CSMD3: variants seen among roughly 807,000 people sequenced by gnomAD.
The protein encoded by CSMD3 is CUB and Sushi multiple domains 3.
In CSMD3, 177 loss-of-function variants were observed where a neutral mutation model predicts 435.2. The observed-to-expected ratio is 0.41, with a 90% CI of 0.36 to 0.46. The LOEUF (loss-of-function observed/expected upper bound fraction) is 0.46. Ranked by LOEUF, CSMD3 falls within the 20% of genes least tolerant of loss-of-function variation. The pLI is 0.34. For missense variants in CSMD3, 4,265 were observed against 4,504.6 expected (o/e 0.95, Z 1.52); for synonymous variants, 1,656 against 1,520.5 (o/e 1.09, Z -2.07).
intron 1 of CSMD3, among the ~76,000 whole-genome samples, chr8:113,334,043 T>C (rs2094049065): frequency 6.6e-6 from 1 of 151,868 alleles, no homozygotes; most frequent in Non-Finnish European, 1.5e-5. Flanking sequence ...GTGTAAATGA[T>C]AATTTAGATG....
intron 5 of CSMD3, among the ~76,000 whole-genome samples, chr8:113,073,158 G>A (rs1340196708): frequency 1.3e-5 from 2 of 151,754 alleles, no homozygotes; most frequent in Non-Finnish European, 3.0e-5. Context: ...AATACTCTTT[G>A]AGATACTATT....
chr8:112,992,833 G>T (rs1014647406), intron 6 of CSMD3, among the ~76,000 whole-genome samples: 3 of 151,560 alleles, frequency 2.0e-5, no homozygotes, highest in Non-Finnish European at 4.4e-5. Flanking sequence ...GTGTGTGTGT[G>T]TTTTTGTGTA....
intron 32 of CSMD3, among the ~76,000 whole-genome samples, chr8:112,460,024 G>T (rs1392119748): frequency 6.6e-6 from 1 of 152,086 alleles, no homozygotes; most frequent in African/African-American, 2.4e-5. Flanking sequence ...TCAGCCACCA[G>T]CCTGCCTTAG....
At chr8:112,855,212 C>T (rs2129787590) in intron 11 of CSMD3, among the ~76,000 whole-genome samples, 1 of 152,182 alleles carries the variant, frequency 6.6e-6, no homozygotes, top group Admixed American at 6.5e-5. Flanking sequence ...TTTGTATCGG[C>T]TAGACCAATA....
At position 113,432,992 on chromosome 8, in the gene CSMD3, T is replaced by C. The variant is rs114440918; in HGVS notation, c.178+3685A>G. ...TCAGCCACCCAGTTTCAACTTCGGG[T>C]TGTCCATGAAAATTCAGGGAGGCTG... On this transcript the variant is annotated intron_variant, in intron 1 of 70. Coordinates refer to ENST00000297405, the MANE Select transcript of CSMD3 (RefSeq NM_198123.2). 4.6e-3 allele frequency among the ~76,000 whole-genome samples: 703 copies of C among 152,202 alleles called. 1 individual carries two copies. The highest frequency in any genetic ancestry group is 0.034 in the Middle Eastern group (10 of 294).
intron 5 of CSMD3, among the ~76,000 whole-genome samples, chr8:113,093,266 G>T (rs2090062273): frequency 6.6e-6 from 1 of 151,896 alleles, no homozygotes; most frequent in African/African-American, 2.4e-5. Flanking sequence ...CCAAAGTAGG[G>T]TGAACAGAAA....
chr8:113,405,323 A>G (rs2094527813), intron 1 of CSMD3, among the ~76,000 whole-genome samples: 1 of 151,534 alleles, frequency 6.6e-6, no homozygotes. Flanking sequence ...GTCATTTGAG[A>G]AGTAGGCAGA....
intron 69 of CSMD3, among the ~76,000 whole-genome samples, chr8:112,230,745 G>A (rs1813007788): frequency 6.6e-6 from 1 of 152,044 alleles, no homozygotes; most frequent in Non-Finnish European, 1.5e-5. Flanking sequence ...CTGGGAGGAG[G>A]AGTTTGCAGT....
intron 10 of CSMD3, among the ~76,000 whole-genome samples, chr8:112,914,033 T>A (rs972591579): frequency 4.0e-5 from 6 of 151,884 alleles, no homozygotes; most frequent in African/African-American, 1.5e-4. Context: ...CCTTACCTAA[T>A]AATTACCACA....
chr8:112,999,179 T>C (rs1361362596), intron 6 of CSMD3, among the ~76,000 whole-genome samples: 1 of 151,620 alleles, frequency 6.6e-6, no homozygotes, highest in Non-Finnish European at 1.5e-5. Flanking sequence ...ACTGAAAGGA[T>C]GAATAGCACT....
intron 1 of CSMD3, among the ~76,000 whole-genome samples, chr8:113,410,900 T>TGAAAGAAAGAAAGAAAGAAA (rs60929996): frequency 0.033 from 3,452 of 105,394 alleles, 96 homozygotes; most frequent in Middle Eastern, 0.043. Context: ...CAAAACCCTG[T>TGAAAGAAAGAAAGAAAGAAA]GAAAGAAAGA....
At chr8:113,396,917 C>T (rs1048760295) in intron 1 of CSMD3, among the ~76,000 whole-genome samples, 1 of 152,040 alleles carries the variant, frequency 6.6e-6, no homozygotes, top group African/African-American at 2.4e-5. Flanking sequence ...GGGATTTTGT[C>T]TTCTTCACTA....
chr8:112,635,842 T>C (rs1291139654), intron 22 of CSMD3, among the ~76,000 whole-genome samples: 2 of 152,148 alleles, frequency 1.3e-5, no homozygotes, highest in African/African-American at 4.8e-5. Flanking sequence ...CAGGGCATTT[T>C]GTATCCATAG....
chr8:112,325,479 T>C (rs544418271), intron 45 of CSMD3, among the ~76,000 whole-genome samples: 3 of 152,146 alleles, frequency 2.0e-5, no homozygotes, highest in Non-Finnish European at 4.4e-5. Flanking sequence ...TTGTTTACTA[T>C]CTATTTTCTT....
At chr8:112,293,629 AT>A (rs1013567506) in intron 54 of CSMD3, among the ~76,000 whole-genome samples, 112 of 152,218 alleles carry the variant, frequency 7.4e-4, no homozygotes, top group African/African-American at 2.6e-3. Context: ...TTTCTTGGAA[AT>A]AATATTCTTA....
At chr8:113,436,566 T>G in intron 1 of CSMD3, 111 bp downstream of exon 1, 1 of 942,926 alleles carries the variant, frequency 1.1e-6, no homozygotes, top group Non-Finnish European at 1.7e-6. Context: ...TCCTTTAGTA[T>G]TATCAGATTA....
intron 62 of CSMD3, 130 bp from the exon 63 acceptor site, chr8:112,254,456 T>C: frequency 1.4e-6 from 1 of 718,038 alleles, no homozygotes; most frequent in Non-Finnish European, 2.5e-6. Context: ...AATGTAAATG[T>C]AATAACATCT....
chr8:113,426,403 A>G (rs145614584), intron 1 of CSMD3, among the ~76,000 whole-genome samples: 1 of 151,360 alleles, frequency 6.6e-6, no homozygotes, highest in African/African-American at 2.4e-5. Flanking sequence ...GTGGTACATT[A>G]TGTGTTATTT....
chr8:112,263,778 A>G lies in CSMD3; in HGVS notation c.9723T>C (p.Asn3241=), dbSNP rs747004797. 6.2e-7 allele frequency: 1 copy of G among 1,613,852 alleles called. No individual in the cohort carries two copies. The highest frequency in any genetic ancestry group is 1.3e-5 in the African/African-American group (1 of 75,034). Residue 3241 remains asparagine (N), a synonymous_variant, in exon 61 of 71, where the codon AAT becomes AAC. Coordinates refer to ENST00000297405, the MANE Select transcript of CSMD3 (RefSeq NM_198123.2). The part of the protein sequence containing the change: ...VTCPTPPQIS[N]GRLEGTNFDW... Reference sequence around the variant, plus strand: ...CGAAATTTGTTCCTTCCAGCCTTCCATTAGAGATCTGGGGAGGAGTTGGGC... The same window carrying G: ...CGAAATTTGTTCCTTCCAGCCTTCCGTTAGAGATCTGGGGAGGAGTTGGGC...
Sources: gnomAD v4.1 joint callset for allele counts (sites outside exome capture counted in the v4.1 genomes callset) on GRCh38, gnomAD v4.1.1 for gene constraint, MANE v1.5 for transcripts, NCBI Gene and HGNC (gene_info 2026-07-23, HGNC 2026-07-21) for gene names.